The following PTPRT variants were observed in gnomAD, a reference collection of about 807,000 sequenced individuals.
PTPRT encodes the protein receptor-type tyrosine-protein phosphatase T.
A neutral mutation model predicts 176.8 loss-of-function variants in PTPRT; 56 were observed. That is an observed-to-expected ratio of 0.32 (90% CI 0.26 to 0.40). The LOEUF is 0.40. Ranked by LOEUF, PTPRT falls within the 10% of genes least tolerant of loss-of-function variation. The pLI, the probability that PTPRT is intolerant of heterozygous loss-of-function variation, is 1.00. For missense variants in PTPRT, 1,540 were observed against 1,908.2 expected (o/e 0.81, Z 3.60); for synonymous variants, 783 against 739.0 (o/e 1.06, Z -0.96).
At chr20:43,033,838 G>GTTACTTAACT (rs1986252847) in intron 1 of PTPRT, among the ~76,000 whole-genome samples, 1 of 152,124 alleles carries the variant, frequency 6.6e-6, no homozygotes, top group African/African-American at 2.4e-5. Flanking sequence ...TAACTCTCAA[G>GTTACTTAACT]GTCATGCAGC....
At chr20:42,534,541 CAGG>C (rs1392682875) in intron 7 of PTPRT, among the ~76,000 whole-genome samples, 9 of 152,214 alleles carry the variant, frequency 5.9e-5, no homozygotes, top group Admixed American at 5.2e-4. Context: ...GAGGCTGAGG[CAGG>C]AGAATGGTGT....
intron 7 of PTPRT, among the ~76,000 whole-genome samples, chr20:42,503,952 T>C (rs1347430173): frequency 6.6e-6 from 1 of 152,146 alleles, no homozygotes. Flanking sequence ...GAGGGAATCC[T>C]ACCTTCATCA....
intron 7 of PTPRT, among the ~76,000 whole-genome samples, chr20:42,476,827 T>C (rs976326727): frequency 1.3e-5 from 2 of 152,104 alleles, no homozygotes; most frequent in Non-Finnish European, 2.9e-5. Flanking sequence ...TGAGACTCAG[T>C]GAAGAGATGT....
At position 42,445,801 on chromosome 20, in the gene PTPRT, A is replaced by G. The variant is rs146208973; in HGVS notation, c.1560+2419T>C. ...CCTGGCATCTGGTCTCTGAAAATCCACAAGGCATCAGATTCACACAGAAGT... is the reference window on the plus strand; with the variant it reads ...CCTGGCATCTGGTCTCTGAAAATCCGCAAGGCATCAGATTCACACAGAAGT... On this transcript the variant is annotated intron_variant, in intron 9 of 30. Transcript: ENST00000373187. Among the ~76,000 whole-genome samples the G allele has an allele frequency of 3.8e-3, 585 of 152,306 alleles. 3 individuals carry two copies. The highest frequency in any genetic ancestry group is 6.8e-3 in the Non-Finnish European group (460 of 68,018).
intron 1 of PTPRT, among the ~76,000 whole-genome samples, chr20:43,018,918 G>GT (rs1985505860): frequency 6.6e-6 from 1 of 152,152 alleles, no homozygotes; most frequent in Non-Finnish European, 1.5e-5. Context: ...ATTGGGAAAT[G>GT]TGACAATATT....
chr20:42,246,864 A>C (rs1568705878), intron 14 of PTPRT, among the ~76,000 whole-genome samples: 1 of 152,166 alleles, frequency 6.6e-6, no homozygotes, highest in Non-Finnish European at 1.5e-5. Context: ...TCTAAGAAAC[A>C]TTTCACCTCT....
At chr20:43,177,353 G>A (rs2015146017) in intron 1 of PTPRT, among the ~76,000 whole-genome samples, 1 of 152,202 alleles carries the variant, frequency 6.6e-6, no homozygotes, top group South Asian at 2.1e-4. Flanking sequence ...TTTTGTGTGA[G>A]CCAAAGCAGT....
chr20:42,896,418 C>T lies in PTPRT; in HGVS notation c.89-10486G>A, dbSNP rs116484303. 6.9e-3 allele frequency among the ~76,000 whole-genome samples: 1,048 copies of T among 152,212 alleles called. 15 individuals carry two copies. The highest frequency in any genetic ancestry group is 0.024 in the African/African-American group (1,010 of 41,534). ...TTGGGAGGCCTAGGCGGGTGGATCTCCTGAGGCTGGAGTTTGAGACCAGCC... is the reference window on the plus strand; with the variant it reads ...TTGGGAGGCCTAGGCGGGTGGATCTTCTGAGGCTGGAGTTTGAGACCAGCC... On this transcript the variant is annotated intron_variant, in intron 1 of 30. Coordinates refer to ENST00000373187, the MANE Select transcript of PTPRT (RefSeq NM_007050.6).
chr20:42,958,345 G>GGA (rs1981781570), intron 1 of PTPRT, among the ~76,000 whole-genome samples: 1 of 8,698 alleles, frequency 1.1e-4, no homozygotes, highest in Non-Finnish European at 2.4e-4. Flanking sequence ...GAGGGGAGAG[G>GGA]AGGGGCTGGG....
intron 1 of PTPRT, among the ~76,000 whole-genome samples, chr20:42,916,680 CATT>C (rs1978781663): frequency 6.6e-6 from 1 of 152,300 alleles, no homozygotes; most frequent in East Asian, 1.9e-4. Context: ...GATGGTATCT[CATT>C]GTGGTTTTGA....
At chr20:42,044,874 C>T in the PTPRT span, among the ~76,000 whole-genome samples, 1 of 152,142 alleles carries the variant, frequency 6.6e-6, no homozygotes, top group Non-Finnish European at 1.5e-5. Flanking sequence ...GTGCTGTCTT[C>T]CTTTGTGGAA....
chr20:42,173,104 T>C (rs1198596672), intron 16 of PTPRT, among the ~76,000 whole-genome samples: 1 of 152,194 alleles, frequency 6.6e-6, no homozygotes, highest in East Asian at 1.9e-4. Context: ...GGGCCATCAA[T>C]CTTGACTTGT....
chr20:42,084,931 A>G, intron 28 of PTPRT, 86 bp from the exon 29 acceptor site: 1 of 1,200,536 alleles, frequency 8.3e-7, no homozygotes, highest in Non-Finnish European at 1.1e-6. Flanking sequence ...CTGCAGCATC[A>G]TGGTGGAAGA....
chr20:42,668,145 GA>G (rs1294983721), intron 7 of PTPRT, among the ~76,000 whole-genome samples: 1 of 151,998 alleles, frequency 6.6e-6, no homozygotes, highest in Admixed American at 6.6e-5. Context: ...TGGGGGGAAA[GA>G]AAAAAAGTTA....
At chr20:43,012,658 G>C (rs1985186934) in intron 1 of PTPRT, among the ~76,000 whole-genome samples, 1 of 152,208 alleles carries the variant, frequency 6.6e-6, no homozygotes, top group Non-Finnish European at 1.5e-5. Context: ...AGAATGGGCA[G>C]TGCTATTAAG....
At chr20:42,525,284 C>G (rs1348251485) in intron 7 of PTPRT, among the ~76,000 whole-genome samples, 1 of 152,172 alleles carries the variant, frequency 6.6e-6, no homozygotes, top group Non-Finnish European at 1.5e-5. Flanking sequence ...TTGTTCCCGG[C>G]TCATCTTTTA....
At chr20:42,507,346 G>C (rs928316883) in intron 7 of PTPRT, among the ~76,000 whole-genome samples, 1 of 152,008 alleles carries the variant, frequency 6.6e-6, no homozygotes, top group Non-Finnish European at 1.5e-5. Flanking sequence ...CCCATAACTA[G>C]CTCTTTAAGC....
chr20:42,110,459 C>A lies in PTPRT; in HGVS notation c.3128G>T (p.Arg1043Leu). The stretch of plus-strand genomic sequence containing the variant: ...AGGCCAGCTGGTGAAGTGGAAGAGG[C>A]GGAGCTCCCGGATCTCATGGTAGCC... ...KKGYHEIREL[R>L]LFHFTSWPDH... Residue 1043 changes from arginine to leucine, a missense_variant, in exon 23 of 31, where the codon CGC becomes CTC. Around this residue, in one of 11 missense-constraint regions of PTPRT, gnomAD observed 248 missense variants for 356.7 expected, o/e 0.70. Coordinates refer to ENST00000373187, the MANE Select transcript of PTPRT (RefSeq NM_007050.6). 6.2e-7 allele frequency: 1 copy of A among 1,609,716 alleles called. No individual in the cohort carries two copies. The highest frequency in any genetic ancestry group is 8.5e-7 in the Non-Finnish European group (1 of 1,177,002).
At position 43,189,595 on chromosome 20, in the gene PTPRT, C is replaced by A; in HGVS notation, c.88+51G>T. The A allele has an allele frequency of 8.6e-7, 1 of 1,158,194 alleles. No homozygotes were observed. The highest frequency in any genetic ancestry group is 1.1e-6 in the Non-Finnish European group (1 of 926,030). The allele number at this position is 1,158,194 out of a possible 1,614,324, so 71.7% of individuals were successfully genotyped here. On this transcript the variant is annotated intron_variant, in intron 1 of 30. Transcript: ENST00000373187. This position sits in a 1 kb window ranked among gnomAD's most constrained non-coding sequence, Gnocchi z 5.0. ...AGGGCCCCGCGGCTGGGGGCCCGCG[C>A]GCATCCAGGAGGGAGCGGGGAGCCC...
Sources: gnomAD v4.1 joint callset for allele counts (sites outside exome capture counted in the v4.1 genomes callset) on GRCh38, gnomAD v4.1.1 for gene constraint, gnomAD v4.1.1 regional missense constraint, Gnocchi (gnomAD v3.1) non-coding constraint, MANE v1.5 for transcripts, NCBI Gene and HGNC (gene_info 2026-07-23, HGNC 2026-07-21) for gene names.